ROCK2: variants seen among roughly 807,000 people sequenced by gnomAD.
The protein encoded by ROCK2 is rho-associated protein kinase 2.
In ROCK2, 61 loss-of-function variants were observed where a neutral mutation model predicts 195.1. The ratio of observed to expected loss-of-function variants is 0.31; its 90% confidence interval spans 0.25 to 0.39. The LOEUF is 0.39. ROCK2 is among the 10% of genes least tolerant of loss of function. ROCK2 has a pLI of 1.00. For missense variants in ROCK2, 1,109 were observed against 1,637.4 expected, an observed-to-expected ratio of 0.68 and a Z score of 5.57; for synonymous variants, 504 against 545.5, an observed-to-expected ratio of 0.92 and a Z score of 1.06.
intron 1 of ROCK2, among the ~76,000 whole-genome samples, chr2:11,336,005 T>C (rs1277833649): frequency 6.6e-6 from 1 of 152,208 alleles, no homozygotes; most frequent in African/African-American, 2.4e-5. Flanking sequence ...TTTAAATACA[T>C]ATAAGTTAAG....
At chr2:11,244,657 A>T (rs1171452816) in intron 4 of ROCK2, among the ~76,000 whole-genome samples, 1 of 151,848 alleles carries the variant, frequency 6.6e-6, no homozygotes, top group Non-Finnish European at 1.5e-5. Flanking sequence ...CTACTTGGGA[A>T]ACTGAGGTGA....
intron 3 of ROCK2, among the ~76,000 whole-genome samples, chr2:11,268,521 A>ACT (rs144038409): frequency 0.083 from 6,097 of 73,726 alleles, 243 homozygotes; most frequent in Non-Finnish European, 0.11. Context: ...ACAGTTTTGC[A>ACT]CTGTGTGTGT....
intron 3 of ROCK2, among the ~76,000 whole-genome samples, chr2:11,271,368 G>C (rs1666622492): frequency 6.6e-6 from 1 of 152,136 alleles, no homozygotes; most frequent in Non-Finnish European, 1.5e-5. Context: ...TGTCTGACTT[G>C]ACCACCACTT....
Position 11,192,163 on chromosome 2 carries a change from G to A in ROCK2, c.4148C>T (p.Ala1383Val). The change falls in exon 32 of 33, where the codon GCC becomes GTC. Residue 1383 changes from alanine to valine, a missense_variant. Physicochemically the swap from Ala to Val is moderately conservative, Grantham distance 64. Transcript: ENST00000315872. This position sits in a 1 kb window ranked among gnomAD's most constrained non-coding sequence, Gnocchi z 5.0. ...QSIRRPSRQL[A>V]PNKPS Reference sequence around the variant, plus strand: ...AGTTTATTACCTAGGTTTGTTTGGGGCAAGCTGTCGACTTGGCCGTCTAAT... The same window carrying A: ...AGTTTATTACCTAGGTTTGTTTGGGACAAGCTGTCGACTTGGCCGTCTAAT... 1.9e-6 allele frequency: 3 copies of A among 1,605,866 alleles called. No individual in the cohort carries two copies. The highest frequency in any genetic ancestry group is 2.6e-6 in the Non-Finnish European group (3 of 1,176,350).
intron 3 of ROCK2, among the ~76,000 whole-genome samples, chr2:11,276,255 G>A (rs1666824015): frequency 6.6e-6 from 1 of 152,144 alleles, no homozygotes; most frequent in African/African-American, 2.4e-5. Context: ...GTCCATAAGT[G>A]ATTTATGATC....
At chr2:11,300,592 A>G (rs897338201) in intron 1 of ROCK2, among the ~76,000 whole-genome samples, 6 of 152,244 alleles carry the variant, frequency 3.9e-5, no homozygotes, top group East Asian at 3.8e-4. Flanking sequence ...GAAATACAAA[A>G]TTACTCAAAG....
chr2:11,318,454 G>A (rs1298244248), intron 1 of ROCK2, among the ~76,000 whole-genome samples: 1 of 152,086 alleles, frequency 6.6e-6, no homozygotes, highest in East Asian at 1.9e-4. Context: ...ACTTTTTGAT[G>A]GGGTTGTTTT....
chr2:11,286,667 A>G, intron 2 of ROCK2, 28 bp from the exon 3 acceptor site: 2 of 1,115,728 alleles, frequency 1.8e-6, no homozygotes, highest in East Asian at 2.4e-5. Context: ...CCATACTTAT[A>G]ATATCAATCA....
At chr2:11,267,568 A>T (rs1052848435) in intron 3 of ROCK2, among the ~76,000 whole-genome samples, 1 of 151,982 alleles carries the variant, frequency 6.6e-6, no homozygotes. Flanking sequence ...AACAATAACA[A>T]AGCTTCATTG....
chr2:11,275,695 C>CTTTTTTTTTTTTTTTTTTTTTTTTTTTT (rs70953379), intron 3 of ROCK2, among the ~76,000 whole-genome samples: 1 of 110,210 alleles, frequency 9.1e-6, no homozygotes, highest in Non-Finnish European at 1.8e-5. Flanking sequence ...ATTCAACAAT[C>CTTTTTTTTTTTTTTTTTTTTTTTTTTTT]TTTTTTTTTT....
chr2:11,310,938 AAGTTTCATTT>A (rs1668015141), intron 1 of ROCK2, among the ~76,000 whole-genome samples: 1 of 151,788 alleles, frequency 6.6e-6, no homozygotes, highest in Admixed American at 6.6e-5. Context: ...TCTATGACTC[AAGTTTCATTT>A]AGGACAACAG....
At chr2:11,251,978 G>A (rs1665844547) in intron 3 of ROCK2, among the ~76,000 whole-genome samples, 1 of 152,190 alleles carries the variant, frequency 6.6e-6, no homozygotes, top group Admixed American at 6.5e-5. Flanking sequence ...CCTCATGCCA[G>A]TTAGAATGGC....
chr2:11,256,827 T>C (rs1447146035), intron 3 of ROCK2, among the ~76,000 whole-genome samples: 1 of 151,342 alleles, frequency 6.6e-6, no homozygotes, highest in Non-Finnish European at 1.5e-5. Flanking sequence ...TGAAAATTAA[T>C]AACATAAAAA....
At chr2:11,251,264 G>A (rs1223874101) in intron 3 of ROCK2, among the ~76,000 whole-genome samples, 1 of 152,132 alleles carries the variant, frequency 6.6e-6, no homozygotes, top group Non-Finnish European at 1.5e-5. Context: ...TCTGTGTTTG[G>A]TTCAATGTTT....
intron 1 of ROCK2, among the ~76,000 whole-genome samples, chr2:11,300,233 A>C: frequency 6.6e-6 from 1 of 152,154 alleles, no homozygotes; most frequent in East Asian, 1.9e-4. Flanking sequence ...TAATTTATCA[A>C]CCAATTTAGA....
chr2:11,294,187 A>T (rs1256642322), intron 1 of ROCK2, among the ~76,000 whole-genome samples: 1 of 152,058 alleles, frequency 6.6e-6, no homozygotes, highest in Non-Finnish European at 1.5e-5. Context: ...AGTAAGACAA[A>T]GAGAGAGAGA....
intron 5 of ROCK2, among the ~76,000 whole-genome samples, chr2:11,229,984 A>T (rs1664946175): frequency 6.6e-6 from 1 of 152,202 alleles, no homozygotes; most frequent in African/African-American, 2.4e-5. Context: ...CTTGAATCAG[A>T]GTTATCAGTA....
chr2:11,339,238 T>C (rs958572068), intron 1 of ROCK2, among the ~76,000 whole-genome samples: 6 of 152,150 alleles, frequency 3.9e-5, no homozygotes, highest in African/African-American at 1.4e-4. Flanking sequence ...AAAAGATGTA[T>C]TGATAGATGG....
chr2:11,301,038 C>T (rs968768860), intron 1 of ROCK2, among the ~76,000 whole-genome samples: 5 of 152,022 alleles, frequency 3.3e-5, no homozygotes, highest in African/African-American at 9.7e-5. Flanking sequence ...AACTTAGAAC[C>T]TAATCTTCAA....
Sources: gnomAD v4.1 joint callset for allele counts (sites outside exome capture counted in the v4.1 genomes callset) on GRCh38, gnomAD v4.1.1 for gene constraint, Gnocchi (gnomAD v3.1) non-coding constraint, MANE v1.5 for transcripts, NCBI Gene and HGNC (gene_info 2026-07-23, HGNC 2026-07-21) for gene names.